The following DNAH8 variants were observed in gnomAD, a reference collection of about 807,000 sequenced individuals.
The protein encoded by DNAH8 is dynein axonemal heavy chain 8, also known as axonemal beta dynein heavy chain 8.
A neutral mutation model predicts 562.1 loss-of-function variants in DNAH8; 382 were observed. That is an observed-to-expected ratio of 0.68 (90% CI 0.63 to 0.74). The LOEUF is 0.74. DNAH8 is among the 30% of genes least tolerant of loss of function. The probability of loss-of-function intolerance (pLI) is 0.00; values close to 1 mark genes in which losing one functional copy is unlikely to be tolerated. For missense variants in DNAH8, 5,203 were observed against 5,620.4 expected, an observed-to-expected ratio of 0.93 and a Z score of 2.37; for synonymous variants, 1,881 against 1,919.4, an observed-to-expected ratio of 0.98 and a Z score of 0.52.
chr6:38,917,980 T>C lies in DNAH8; in HGVS notation c.10364T>C (p.Ile3455Thr), dbSNP rs759714537. 6 of 1,613,854 alleles carry C rather than the reference T, an allele frequency of 3.7e-6. No individual in the cohort carries two copies. The highest frequency in any genetic ancestry group is 5.1e-6 in the Non-Finnish European group (6 of 1,179,850). The change falls in exon 70 of 93, where the codon ATA (isoleucine) becomes ACA (threonine). Residue 3455 changes from isoleucine to threonine, a missense_variant. Coordinates refer to ENST00000327475, the MANE Select transcript of DNAH8 (RefSeq NM_001206927.2). Reference sequence around the variant, plus strand: ...CTTCAGCAGTTCCCTAAGGACACTATAAATGAAGAGACTGTTGAGTTACTA... The same window carrying C: ...CTTCAGCAGTTCCCTAAGGACACTACAAATGAAGAGACTGTTGAGTTACTA... Reference protein sequence around the residue: ...WSLQQFPKDTINEETVELLQP... With the variant: ...WSLQQFPKDTTNEETVELLQP...
In DNAH8 at chr6:39,012,581, G is replaced by T; in HGVS notation, c.13658G>T (p.Trp4553Leu). The T allele has an allele frequency of 6.2e-7, 1 of 1,613,994 alleles. No homozygotes were observed. Among genetic ancestry groups the T allele is most frequent in the Non-Finnish European group, 8.5e-7 (1 of 1,179,928 alleles). The change falls in exon 91 of 93, where the codon TGG becomes TTG. Residue 4553 changes from tryptophan (W) to leucine (L), a missense_variant. By Grantham distance (61) the Trp-to-Leu change is moderately conservative. Transcript: ENST00000327475. The part of the protein sequence containing the change: ...LLERNAQFST[W>L]IFEGRPNVFW... ...GAAAGAAATGCTCAGTTTTCTACGT[G>T]GATATTTGAAGGGAGGCCTAATGTG...
intron 8 of DNAH8, among the ~76,000 whole-genome samples, chr6:38,747,660 C>T (rs1765073468): frequency 6.6e-6 from 1 of 152,214 alleles, no homozygotes; most frequent in Non-Finnish European, 1.5e-5. Context: ...GCTGGGATTA[C>T]TGGCGTGAGC....
At chr6:38,932,152 A>G (rs907603938) in intron 76 of DNAH8, among the ~76,000 whole-genome samples, 159 bp downstream of exon 76, 1 of 149,976 alleles carries the variant, frequency 6.7e-6, no homozygotes, top group Non-Finnish European at 1.5e-5. Context: ...CTGTCAAGAA[A>G]TCATGTAACT....
intron 64 of DNAH8, among the ~76,000 whole-genome samples, chr6:38,909,306 G>A (rs946384197): frequency 1.3e-5 from 2 of 152,174 alleles, no homozygotes; most frequent in African/African-American, 4.8e-5. Flanking sequence ...AGAATTGAAC[G>A]CAATAATGTA....
intron 92 of DNAH8, among the ~76,000 whole-genome samples, chr6:39,029,234 T>C (rs1379243401): frequency 6.6e-6 from 1 of 151,816 alleles, no homozygotes; most frequent in African/African-American, 2.4e-5. Context: ...GCCCTGCCTT[T>C]CTTTGTAGTG....
At chr6:38,734,351 T>A in intron 4 of DNAH8, 123 bp from the exon 5 acceptor site, 2 of 933,684 alleles carry the variant, frequency 2.1e-6, no homozygotes, top group Non-Finnish European at 2.8e-6. Context: ...AATTATTCTA[T>A]GACCGTATTG....
At chr6:38,921,558 A>T (rs749218444) in intron 71 of DNAH8, 52 bp downstream of exon 71, 9 of 1,559,308 alleles carry the variant, frequency 5.8e-6, no homozygotes, top group Non-Finnish European at 7.8e-6. Flanking sequence ...ACTTTACACA[A>T]GAGCATGCTA....
rs55939633 is a variant in DNAH8 at position 38,803,392 on chromosome 6, T to C, written c.3034+81T>C. 0.15 allele frequency: 151,635 copies of C among 1,039,118 alleles called. 12,011 individuals are homozygous for C. The highest frequency in any genetic ancestry group is 0.26 in the Admixed American group (10,549 of 40,890). 64.4% of individuals were successfully genotyped at this position (1,039,118 alleles called of 1,614,324 possible). A position where few individuals can be genotyped will look rare whatever the true frequency, so the allele number is the denominator to read the frequency against. Reference sequence around the variant, plus strand: ...TAAGCACCTTCTGCTTAGCAGGTACTGAATTCCAGACCCTCCCTTCCCCAG... The same window carrying C: ...TAAGCACCTTCTGCTTAGCAGGTACCGAATTCCAGACCCTCCCTTCCCCAG... On this transcript the variant is annotated intron_variant, in intron 22 of 92. Coordinates refer to ENST00000327475, the MANE Select transcript of DNAH8 (RefSeq NM_001206927.2).
intron 10 of DNAH8, among the ~76,000 whole-genome samples, chr6:38,758,563 A>G (rs970245312): frequency 4.6e-5 from 7 of 151,912 alleles, no homozygotes; most frequent in Non-Finnish European, 8.8e-5. Flanking sequence ...TTCCAACACT[A>G]TGTTGAATAG....
In DNAH8 at chr6:38,826,136, TTTC is replaced by T; in HGVS notation, c.3848-14_3848-12del. 6.6e-7 allele frequency: 1 copy of T among 1,521,486 alleles called. No homozygotes were observed. The highest frequency in any genetic ancestry group is 8.9e-7 in the Non-Finnish European group (1 of 1,118,442). 94.2% of individuals were successfully genotyped at this position (1,521,486 alleles called of 1,614,324 possible). ...GAATGCCAGTTATATTCTAATTTAA[TTTC>T]TTCTTGTCTTCATCAGAGCCGATGA... On this transcript the variant is annotated splice_polypyrimidine_tract_variant and intron_variant, in intron 28 of 92. Coordinates refer to ENST00000327475, the MANE Select transcript of DNAH8 (RefSeq NM_001206927.2).
chr6:38,927,353 A>G (rs1210123597), intron 74 of DNAH8, among the ~76,000 whole-genome samples: 1 of 152,210 alleles, frequency 6.6e-6, no homozygotes, highest in Non-Finnish European at 1.5e-5. Flanking sequence ...TTCTCATCCA[A>G]GTGGATATAG....
Position 38,926,155 on chromosome 6 carries a change from C to T in DNAH8, c.11063C>T (p.Pro3688Leu). ...KATRYPLLID[P>L]QTQGKTWIKS... The stretch of plus-strand genomic sequence containing the variant: ...ACCAGATACCCACTCCTCATAGACC[C>T]ACAAACTCAAGGCAAAACTTGGATT... Residue 3688 changes from proline (P) to leucine (L), a missense_variant, in exon 74 of 93, where the codon CCA becomes CTA. Transcript: ENST00000327475. The T allele has an allele frequency of 6.2e-7, 1 of 1,613,674 alleles. No homozygotes were observed. Among genetic ancestry groups the T allele is most frequent in the Non-Finnish European group, 8.5e-7 (1 of 1,179,766 alleles).
chr6:38,864,686 G>T (rs145215259), intron 45 of DNAH8, among the ~76,000 whole-genome samples: 9 of 152,206 alleles, frequency 5.9e-5, no homozygotes, highest in African/African-American at 1.4e-4. Flanking sequence ...CTAACTTCAG[G>T]GGGTGGTGGG....
intron 65 of DNAH8, 68 bp from the exon 66 acceptor site, chr6:38,911,400 G>T: frequency 8.8e-7 from 1 of 1,131,642 alleles, no homozygotes; most frequent in South Asian, 1.2e-5. Flanking sequence ...ATTTCACCTT[G>T]GGAAAGGTGT....
At chr6:38,960,433 AT>A (rs771187021) in intron 82 of DNAH8, among the ~76,000 whole-genome samples, 66 of 143,274 alleles carry the variant, frequency 4.6e-4, no homozygotes, top group African/African-American at 1.4e-3. Context: ...AAAAAAAAAA[AT>A]AATAATCTGA....
rs766763431 is a variant in DNAH8, at chr6:38,786,824, G to A, written c.2455G>A (p.Asp819Asn). The stretch of plus-strand genomic sequence containing the variant: ...AACAGGGAAGTTGCTGGTTAATTTC[G>A]ATCCCAAAATTTTGGAAGTTGTTCG... ...PETGKLLVNF[D>N]PKILEVVRET... Residue 819 changes from aspartate (D) to asparagine (N), a missense_variant, in exon 18 of 93, where the codon GAT (aspartate) becomes AAT (asparagine). Transcript: ENST00000327475. 9 of 1,613,340 alleles carry A rather than the reference G, an allele frequency of 5.6e-6. No individual in the cohort carries two copies. The highest frequency in any genetic ancestry group is 6.8e-6 in the Non-Finnish European group (8 of 1,179,750).
At chr6:38,974,022 C>A (rs913209777) in intron 84 of DNAH8, among the ~76,000 whole-genome samples, 7 of 152,092 alleles carry the variant, frequency 4.6e-5, no homozygotes, top group African/African-American at 1.7e-4. Context: ...AGACTTAGTA[C>A]TAATTTATTG....
Position 38,850,308 on chromosome 6 carries a change from C to T in DNAH8, c.5257C>T (p.His1753Tyr). ...KSWIKIMQRA[H>Y]ENPNVINCCV... ...TTGGATAAAAATAATGCAGCGAGCT[C>T]ATGAGAATCCCAATGTGATTAATTG... Residue 1753 changes from histidine (H) to tyrosine (Y), a missense_variant, in exon 38 of 93, where the codon CAT becomes TAT. His to Tyr is a moderately conservative substitution (Grantham distance 83, BLOSUM62 2). Coordinates refer to ENST00000327475, the MANE Select transcript of DNAH8 (RefSeq NM_001206927.2). 1 of 1,613,630 alleles carries T rather than the reference C, an allele frequency of 6.2e-7. No individual in the cohort carries two copies. Among genetic ancestry groups the T allele is most frequent in the Non-Finnish European group, 8.5e-7 (1 of 1,179,694 alleles).
Position 38,906,336 on chromosome 6 carries a change from A to G in DNAH8, c.9277A>G (p.Ile3093Val), listed in dbSNP as rs139533720. ...TGCTGATGGAAAAGGCATCACTTTCATCTTTACTGACAGTGAAATAAAAGA... is the reference window on the plus strand; with the variant it reads ...TGCTGATGGAAAAGGCATCACTTTCGTCTTTACTGACAGTGAAATAAAAGA... ...AGADGKGITF[I>V]FTDSEIKDEA... Residue 3093 changes from isoleucine (I) to valine (V), a missense_variant, in exon 63 of 93, where the codon ATC (isoleucine) becomes GTC (valine). Ile to Val is a conservative substitution (Grantham distance 29). This residue lies in a region of DNAH8 where 977 missense variants were observed against 1,061.8 expected (regional missense o/e 0.92). Coordinates refer to ENST00000327475, the MANE Select transcript of DNAH8 (RefSeq NM_001206927.2). 354 of 1,611,270 alleles carry G rather than the reference A, an allele frequency of 2.2e-4. 1 individual carries two copies. In the Middle Eastern group the frequency reaches 3.4e-3, roughly 15 times the overall value.
Sources: gnomAD v4.1 joint callset for allele counts (sites outside exome capture counted in the v4.1 genomes callset) on GRCh38, gnomAD v4.1.1 for gene constraint, gnomAD v4.1.1 regional missense constraint, MANE v1.5 for transcripts, NCBI Gene and HGNC (gene_info 2026-07-23, HGNC 2026-07-21) for gene names.